TTC7B: variants seen among roughly 807,000 people sequenced by gnomAD.
TTC7B encodes tetratricopeptide repeat protein 7B.
In TTC7B, 28 loss-of-function variants were observed where a neutral mutation model predicts 106.8. That is an observed-to-expected ratio of 0.26 (90% confidence interval 0.19 to 0.36). The LOEUF is 0.36. TTC7B is among the 10% of genes least tolerant of loss of function. The pLI is 1.00. For missense variants in TTC7B, 862 were observed against 1,076.4 expected (o/e 0.80, Z 2.79); for synonymous variants, 405 against 430.6 (o/e 0.94, Z 0.74).
rs567836099 is a variant in TTC7B, at chr14:90,733,707, G to T, written c.577-3511C>A. 2.6e-5 allele frequency among the ~76,000 whole-genome samples: 4 copies of T among 152,310 alleles called. No individual in the cohort carries two copies. The South Asian group carries it at 8.3e-4, about 32-fold the overall frequency. On this transcript the variant is annotated intron_variant, in intron 4 of 19. Transcript: ENST00000328459. ...AAGTACCCAATGACTGAGGAAGCAC[G>T]GGGAAGGGGCTGAAGATTTTAGTCA...
At chr14:90,648,579 T>C (rs1034175882) in intron 13 of TTC7B, 3 of 152,096 alleles carry the variant, frequency 2.0e-5, no homozygotes, top group African/African-American at 4.8e-5. Context: ...CTGGAACTAC[T>C]AGGCTCAAGT....
chr14:90,703,377 G>C (rs1888074400), intron 5 of TTC7B, among the ~76,000 whole-genome samples: 1 of 152,052 alleles, frequency 6.6e-6, no homozygotes, highest in African/African-American at 2.4e-5. Flanking sequence ...CTATGGAGAG[G>C]AAAAAAAGGC....
At chr14:90,647,173 T>C in intron 13 of TTC7B, 150 bp from the exon 14 acceptor site, 1 of 668,716 alleles carries the variant, frequency 1.5e-6, no homozygotes, top group Non-Finnish European at 2.7e-6. Flanking sequence ...TTCTTCTTTG[T>C]CCACCTACAC....
At chr14:90,733,611 T>C (rs912520543) in intron 4 of TTC7B, among the ~76,000 whole-genome samples, 1 of 152,200 alleles carries the variant, frequency 6.6e-6, no homozygotes, top group Admixed American at 6.5e-5. Flanking sequence ...ACTTGTTCTG[T>C]GGATAAACAC....
intron 4 of TTC7B, among the ~76,000 whole-genome samples, chr14:90,736,254 G>A (rs1476239726): frequency 6.6e-6 from 1 of 151,932 alleles, no homozygotes; most frequent in Admixed American, 6.6e-5. Context: ...TCTGTACATA[G>A]TGAAAAAATT....
chr14:90,724,535 C>A (rs8020147), intron 5 of TTC7B, among the ~76,000 whole-genome samples: 21,504 of 152,064 alleles, frequency 0.14, 2,432 homozygotes, highest in African/African-American at 0.32. Flanking sequence ...AGTTCTCATG[C>A]GAACTGTTCG....
At chr14:90,553,683 T>C (rs1890181770) in intron 19 of TTC7B, among the ~76,000 whole-genome samples, 1 of 152,192 alleles carries the variant, frequency 6.6e-6, no homozygotes. Flanking sequence ...GAAGAAAGCT[T>C]CCAGAACAGC....
chr14:90,612,611 G>A (rs529220686), intron 16 of TTC7B, among the ~76,000 whole-genome samples: 1 of 152,288 alleles, frequency 6.6e-6, no homozygotes, highest in Admixed American at 6.5e-5. Flanking sequence ...CACTAATGAG[G>A]AGGTCACTTT....
chr14:90,655,691 A>C (rs1396235994), intron 11 of TTC7B, among the ~76,000 whole-genome samples: 3 of 152,210 alleles, frequency 2.0e-5, no homozygotes, highest in Admixed American at 6.5e-5. Context: ...TGCACAATTC[A>C]TTAGAGGCAA....
chr14:90,788,786 A>C lies in TTC7B; in HGVS notation c.122-2458T>G, dbSNP rs374395129. On this transcript the variant is annotated intron_variant, in intron 1 of 19. Coordinates refer to ENST00000328459, the MANE Select transcript of TTC7B (RefSeq NM_001010854.2). ...GAGATCAACCTGGCAAACATGGTGA[A>C]ACTCTGTCTCTACTAAAAATACAAA... Among the ~76,000 whole-genome samples, 267 of 152,092 alleles carry C rather than the reference A, an allele frequency of 1.8e-3. 3 individuals carry two copies. Among genetic ancestry groups the C allele is most frequent in the African/African-American group, 5.6e-3 (234 of 41,498 alleles).
intron 18 of TTC7B, among the ~76,000 whole-genome samples, chr14:90,592,089 T>C (rs977022898): frequency 1.3e-5 from 2 of 152,260 alleles, no homozygotes; most frequent in African/African-American, 4.8e-5. Flanking sequence ...CTCTGCGGCA[T>C]GCCAAGGCCA....
intron 9 of TTC7B, among the ~76,000 whole-genome samples, chr14:90,659,048 G>C (rs891894361): frequency 2.6e-5 from 4 of 152,186 alleles, no homozygotes; most frequent in South Asian, 2.1e-4. Flanking sequence ...AATGGTCCAG[G>C]GGTTTCAGAA....
intron 14 of TTC7B, 70 bp from the exon 15 acceptor site, chr14:90,644,278 CA>C: frequency 1.3e-6 from 1 of 789,636 alleles, no homozygotes; most frequent in East Asian, 6.7e-5. Flanking sequence ...CACACACACA[CA>C]CGCGCGAAAG....
Position 90,578,012 on chromosome 14 carries a change from A to G in TTC7B, c.2310+94T>C. The G allele has an allele frequency of 7.0e-7, 1 of 1,437,226 alleles. No individual in the cohort carries two copies. Among genetic ancestry groups the G allele is most frequent in the South Asian group, 1.3e-5 (1 of 79,420 alleles). 89.0% of individuals were successfully genotyped at this position (1,437,226 alleles called of 1,614,324 possible). ...AAGCTAACTGCATGGGGCCTTTGGA[A>G]GCAGAAGAGGGTGTGAGGGTCATGT... On this transcript the variant is annotated intron_variant, in intron 19 of 19. Coordinates refer to ENST00000328459, the MANE Select transcript of TTC7B (RefSeq NM_001010854.2). This position sits in a 1 kb window ranked among gnomAD's most constrained non-coding sequence, Gnocchi z 4.7.
intron 15 of TTC7B, among the ~76,000 whole-genome samples, chr14:90,625,253 T>C (rs1884389052): frequency 1.3e-5 from 2 of 152,140 alleles, no homozygotes. Flanking sequence ...GATGGGAATG[T>C]GAAACCAGAG....
At chr14:90,731,953 C>T (rs1054518745) in intron 4 of TTC7B, among the ~76,000 whole-genome samples, 2 of 151,958 alleles carry the variant, frequency 1.3e-5, no homozygotes, top group African/African-American at 4.8e-5. Context: ...TTTTGACATG[C>T]CATGATTATT....
chr14:90,728,932 A>G (rs1168537498), intron 5 of TTC7B, among the ~76,000 whole-genome samples: 2 of 152,250 alleles, frequency 1.3e-5, no homozygotes, highest in African/African-American at 2.4e-5. Context: ...ATTTATAACA[A>G]CAAAGAAAAC....
chr14:90,609,877 T>C (rs1892803895), intron 17 of TTC7B, among the ~76,000 whole-genome samples: 1 of 152,148 alleles, frequency 6.6e-6, no homozygotes, highest in African/African-American at 2.4e-5. Context: ...TGCTCTAAAA[T>C]CGAGATGTTT....
chr14:90,762,507 A>G (rs1724062838), intron 3 of TTC7B, among the ~76,000 whole-genome samples: 2 of 152,166 alleles, frequency 1.3e-5, no homozygotes, highest in Admixed American at 6.5e-5. Flanking sequence ...TTGCTTAAAA[A>G]CTTAATTAAG....
Sources: allele counts gnomAD v4.1 joint callset (sites outside exome capture counted in the v4.1 genomes callset), GRCh38; gene constraint gnomAD v4.1.1; non-coding constraint Gnocchi (gnomAD v3.1); transcripts MANE v1.5; gene names NCBI Gene and HGNC (gene_info 2026-07-23, HGNC 2026-07-21).